PDGFC: variants seen among roughly 807,000 people sequenced by gnomAD.
PDGFC encodes the protein platelet derived growth factor C, also known as platelet-derived growth factor C.
In PDGFC, 12 loss-of-function variants were observed where a neutral mutation model predicts 35.5. The ratio of observed to expected loss-of-function variants is 0.34; its 90% CI spans 0.22 to 0.55. The LOEUF is 0.55. Among genes scored for constraint, PDGFC ranks in the 20% least tolerant of loss-of-function variants. The pLI is 0.91. For missense variants in PDGFC, 322 were observed against 412.4 expected (o/e 0.78, Z 1.90); for synonymous variants, 159 against 148.8 (o/e 1.07, Z -0.50).
intron 1 of PDGFC, among the ~76,000 whole-genome samples, chr4:156,948,268 G>A (rs1731995494): frequency 6.6e-6 from 1 of 150,826 alleles, no homozygotes; most frequent in Non-Finnish European, 1.5e-5. Flanking sequence ...CCAAATGTTG[G>A]CAGCTATCTT....
intron 1 of PDGFC, among the ~76,000 whole-genome samples, chr4:156,890,550 T>A (rs1204264975): frequency 6.6e-6 from 1 of 152,152 alleles, no homozygotes; most frequent in African/African-American, 2.4e-5. Context: ...CTCCATCCCA[T>A]CATCACCTTA....
intron 3 of PDGFC, among the ~76,000 whole-genome samples, chr4:156,790,541 T>G (rs761363509): frequency 6.0e-4 from 92 of 152,182 alleles, no homozygotes; most frequent in Non-Finnish European, 1.1e-3. Flanking sequence ...TGTTGAAACT[T>G]TATGAATTTG....
At position 156,931,868 on chromosome 4, in the gene PDGFC, C is replaced by T. The variant is rs376877154; in HGVS notation, c.118+38918G>A. Among the ~76,000 whole-genome samples, 146 of 151,690 alleles carry T rather than the reference C, an allele frequency of 9.6e-4. No individual in the cohort carries two copies. In the South Asian group the frequency reaches 0.029, roughly 31 times the overall value. On this transcript the variant is annotated intron_variant, in intron 1 of 5. Coordinates refer to ENST00000502773, the MANE Select transcript of PDGFC (RefSeq NM_016205.3). ...CAGAAAACTTAGGTAGTGGAATGTACTTTTATCTTTTTTATTTTAAAGACT... is the reference window on the plus strand; with the variant it reads ...CAGAAAACTTAGGTAGTGGAATGTATTTTTATCTTTTTTATTTTAAAGACT...
chr4:156,816,444 T>C (rs1309503023), intron 2 of PDGFC, among the ~76,000 whole-genome samples: 1 of 152,182 alleles, frequency 6.6e-6, no homozygotes, highest in Non-Finnish European at 1.5e-5. Context: ...AAATTGTTTA[T>C]CTATGCTTTA....
intron 1 of PDGFC, among the ~76,000 whole-genome samples, chr4:156,869,277 A>G (rs1729920314): frequency 6.6e-6 from 1 of 152,022 alleles, no homozygotes; most frequent in African/African-American, 2.4e-5. Flanking sequence ...TCTACTAAAA[A>G]TACAAAAAAT....
intron 1 of PDGFC, among the ~76,000 whole-genome samples, chr4:156,926,867 T>C (rs1454786751): frequency 2.0e-5 from 3 of 152,116 alleles, no homozygotes; most frequent in Non-Finnish European, 4.4e-5. Context: ...GGTGTCCCAG[T>C]AGGGACTCTG....
chr4:156,966,660 C>T (rs1269909545), intron 1 of PDGFC, among the ~76,000 whole-genome samples: 1 of 151,292 alleles, frequency 6.6e-6, no homozygotes, highest in Non-Finnish European at 1.5e-5. Flanking sequence ...GGGTGAAATA[C>T]AAGTAGACAA....
chr4:156,788,255 A>G (rs987546706), intron 3 of PDGFC, among the ~76,000 whole-genome samples: 1 of 152,142 alleles, frequency 6.6e-6, no homozygotes, highest in African/African-American at 2.4e-5. Context: ...AGACAAATAC[A>G]CAGGAAAGCT....
rs182617219 is a variant in PDGFC, at chr4:156,849,600, C to T, written c.314+621G>A. ...GTGACATACAGTAGGTGGTCTTTTG[C>T]GTGGGTGAAATACTCCAGCTGACTT... On this transcript the variant is annotated intron_variant, in intron 2 of 5. Transcript: ENST00000502773. Among the ~76,000 whole-genome samples, 7 of 152,066 alleles carry T rather than the reference C, an allele frequency of 4.6e-5. No homozygotes were observed. The East Asian group carries it at 7.7e-4, about 17-fold the overall frequency.
intron 1 of PDGFC, among the ~76,000 whole-genome samples, chr4:156,896,435 C>G (rs892667807): frequency 6.6e-6 from 1 of 152,134 alleles, no homozygotes; most frequent in South Asian, 2.1e-4. Flanking sequence ...GTTTTACATG[C>G]TCCTGGTCAA....
rs141349069 is a variant in PDGFC, at chr4:156,800,515, T to C, written c.495+10322A>G. Among the ~76,000 whole-genome samples, 13 of 152,300 alleles carry C rather than the reference T, an allele frequency of 8.5e-5. No individual in the cohort carries two copies. In the East Asian group the frequency reaches 2.5e-3, roughly 29 times the overall value. On this transcript the variant is annotated intron_variant, in intron 3 of 5. Transcript: ENST00000502773. Reference sequence around the variant, plus strand: ...AGCTCTAGTTTTAATGTTCAAAGCATTTAAATATATTAACAGCATTACTAA... The same window carrying C: ...AGCTCTAGTTTTAATGTTCAAAGCACTTAAATATATTAACAGCATTACTAA...
rs75429829 is a variant in PDGFC, at chr4:156,850,903, T to C, written c.119-487A>G. 5.2e-3 allele frequency among the ~76,000 whole-genome samples: 791 copies of C among 152,260 alleles called. 4 individuals carry two copies. The highest frequency in any genetic ancestry group is 8.1e-3 in the Non-Finnish European group (548 of 68,000). On this transcript the variant is annotated intron_variant, in intron 1 of 5. Coordinates refer to ENST00000502773, the MANE Select transcript of PDGFC (RefSeq NM_016205.3). ...TTTATATATGGCAAAATAAGAAGGG[T>C]ATTAAGATATTTGAAGAAAGTGAAA...
chr4:156,867,914 T>G (rs1378371822), intron 1 of PDGFC, among the ~76,000 whole-genome samples: 2 of 152,192 alleles, frequency 1.3e-5, no homozygotes, highest in Admixed American at 1.3e-4. Flanking sequence ...AGTCTTGCTC[T>G]GTCGCCCGGG....
intron 1 of PDGFC, among the ~76,000 whole-genome samples, chr4:156,937,511 G>T (rs982799033): frequency 2.6e-5 from 4 of 151,894 alleles, no homozygotes; most frequent in African/African-American, 9.7e-5. Flanking sequence ...ACCAGCCTGG[G>T]CAAAATAGTG....
chr4:156,851,497 T>G (rs896794752), intron 1 of PDGFC, among the ~76,000 whole-genome samples: 5 of 152,098 alleles, frequency 3.3e-5, no homozygotes, highest in African/African-American at 1.2e-4. Context: ...AAAGGGCAAG[T>G]TGGCACTGCT....
At chr4:156,779,333 T>C (rs548528667) in intron 3 of PDGFC, among the ~76,000 whole-genome samples, 38 of 152,218 alleles carry the variant, frequency 2.5e-4, no homozygotes, top group Non-Finnish European at 3.5e-4. Flanking sequence ...GATGTTTTAA[T>C]ATGGTGTGAG....
Position 156,929,400 on chromosome 4 carries a change from G to A in PDGFC, c.118+41386C>T, listed in dbSNP as rs539846709. 2.0e-5 allele frequency among the ~76,000 whole-genome samples: 3 copies of A among 151,360 alleles called. No individual in the cohort carries two copies. In the South Asian group the frequency reaches 6.3e-4, roughly 32 times the overall value. On this transcript the variant is annotated intron_variant, in intron 1 of 5. Transcript: ENST00000502773. ...GAAGAAAAGAGAAAGGAAATAAAAGGGAGAAAAGTGGCATATCTTATAATG... is the reference window on the plus strand; with the variant it reads ...GAAGAAAAGAGAAAGGAAATAAAAGAGAGAAAAGTGGCATATCTTATAATG...
chr4:156,874,340 C>T (rs564178847), intron 1 of PDGFC, among the ~76,000 whole-genome samples: 2 of 152,130 alleles, frequency 1.3e-5, no homozygotes, highest in Non-Finnish European at 2.9e-5. Flanking sequence ...ATCATCAGCT[C>T]TGTAATATTT....
Position 156,833,942 on chromosome 4 carries a change from G to T in PDGFC, c.314+16279C>A, listed in dbSNP as rs1729003628. Among the ~76,000 whole-genome samples the T allele has an allele frequency of 3.9e-5, 6 of 152,146 alleles. No homozygotes were observed. The South Asian group carries it at 1.2e-3, about 32-fold the overall frequency. The stretch of plus-strand genomic sequence containing the variant: ...AGCATTTATTACATAACAACTATTT[G>T]CTTGGGTTCTCTACCCAGGATCTCA... On this transcript the variant is annotated intron_variant, in intron 2 of 5. Transcript: ENST00000502773.
Sources: gnomAD v4.1 joint callset for allele counts (sites outside exome capture counted in the v4.1 genomes callset) on GRCh38, gnomAD v4.1.1 for gene constraint, MANE v1.5 for transcripts, NCBI Gene and HGNC (gene_info 2026-07-23, HGNC 2026-07-21) for gene names.